PKN2: variants seen among roughly 807,000 people sequenced by gnomAD.
The protein encoded by PKN2 is serine/threonine-protein kinase N2.
Under a neutral mutation model 119.1 loss-of-function variants are expected in PKN2, and 38 were observed. The observed-to-expected ratio is 0.32, with a 90% CI of 0.25 to 0.42. The LOEUF (loss-of-function observed/expected upper bound fraction) is 0.42, where lower values mean the gene tolerates loss of function less well. Among genes scored for constraint, PKN2 ranks in the 10% least tolerant of loss-of-function variants. The pLI is 1.00. For synonymous variants in PKN2, 390 were observed against 384.9 expected (o/e 1.01, Z -0.15); for missense variants, 850 against 1,165.1 (o/e 0.73, Z 3.94).
chr1:88,720,413 T>G (rs1667627120), intron 1 of PKN2, among the ~76,000 whole-genome samples: 1 of 152,172 alleles, frequency 6.6e-6, no homozygotes, highest in Non-Finnish European at 1.5e-5. Context: ...CTGCCTCTAT[T>G]GGAGTCACTT....
intron 3 of PKN2, among the ~76,000 whole-genome samples, chr1:88,764,378 T>C (rs1410955535): frequency 6.6e-6 from 1 of 152,216 alleles, no homozygotes; most frequent in Non-Finnish European, 1.5e-5. Flanking sequence ...CCTCTGTCTC[T>C]TCTTAACCCT....
In PKN2 at chr1:88,784,794, C is replaced by A. The variant is rs1277918039; in HGVS notation, c.1141C>A (p.Arg381=). The A allele has an allele frequency of 6.2e-7, 1 of 1,609,804 alleles. No individual in the cohort carries two copies. The highest frequency in any genetic ancestry group is 1.7e-5 in the Admixed American group (1 of 59,390). The change falls in exon 7 of 22, where the codon CGA becomes AGA. Residue 381 remains arginine, a synonymous_variant. Coordinates refer to ENST00000370521, the MANE Select transcript of PKN2 (RefSeq NM_006256.4). ...GAGTAAAAGTAAAAGCGGAAGTAGT[C>A]GAAATCTTCTAAAAACCGATGACTT... ...RTSKSKSGSS[R]NLLKTDDLSN...
intron 6 of PKN2, among the ~76,000 whole-genome samples, chr1:88,782,763 A>T (rs1670398856): frequency 6.6e-6 from 1 of 152,116 alleles, no homozygotes; most frequent in East Asian, 1.9e-4. Flanking sequence ...CCTAACATTT[A>T]TGTCAGTTAA....
At chr1:88,706,118 A>G (rs922730450) in intron 1 of PKN2, among the ~76,000 whole-genome samples, 1 of 152,194 alleles carries the variant, frequency 6.6e-6, no homozygotes, top group African/African-American at 2.4e-5. Context: ...CTGTTCTATG[A>G]TAAACAAAGT....
chr1:88,826,205 A>G (rs1033652823), intron 18 of PKN2, among the ~76,000 whole-genome samples: 1 of 152,188 alleles, frequency 6.6e-6, no homozygotes, highest in African/African-American at 2.4e-5. Context: ...TGTTCCCGCT[A>G]CTTGACACAG....
In PKN2 at chr1:88,790,168, CTTTG is replaced by C. The variant is rs1293673995; in HGVS notation, c.1281+3959_1281+3962del. 4.6e-5 allele frequency among the ~76,000 whole-genome samples: 7 copies of C among 152,268 alleles called. No individual in the cohort carries two copies. In the East Asian group the frequency reaches 1.4e-3, roughly 29 times the overall value. ...CTGCTACACAGCTTTCATCTTGAGACTTTGTTTTACTATCATCTTGAGAACTCTC... is the reference window on the plus strand; with the variant it reads ...CTGCTACACAGCTTTCATCTTGAGACTTTTACTATCATCTTGAGAACTCTC... On this transcript the variant is annotated intron_variant, in intron 8 of 21. Coordinates refer to ENST00000370521, the MANE Select transcript of PKN2 (RefSeq NM_006256.4).
At position 88,684,374 on chromosome 1, in the gene PKN2, G is replaced by C; in HGVS notation, c.-207G>C. The C allele has an allele frequency of 2.0e-6, 1 of 495,312 alleles. No individual in the cohort carries two copies. The highest frequency in any genetic ancestry group is 3.6e-6 in the Non-Finnish European group (1 of 280,272). 30.7% of individuals were successfully genotyped at this position (495,312 alleles called of 1,614,324 possible). Reference sequence around the variant, plus strand: ...CGGTGAGGGCGGCGAGAGGAAGCCCGCTACGAGTGCCCTAGCTCCCCGCCG... The same window carrying C: ...CGGTGAGGGCGGCGAGAGGAAGCCCCCTACGAGTGCCCTAGCTCCCCGCCG... On this transcript the variant is annotated 5_prime_UTR_variant, in exon 1 of 22. Coordinates refer to ENST00000370521, the MANE Select transcript of PKN2 (RefSeq NM_006256.4).
chr1:88,751,379 C>G (rs1043580511), intron 2 of PKN2, among the ~76,000 whole-genome samples: 1 of 125,500 alleles, frequency 8.0e-6, no homozygotes, highest in South Asian at 2.3e-4. Flanking sequence ...TTTACACATA[C>G]ACACACACAC....
intron 1 of PKN2, among the ~76,000 whole-genome samples, chr1:88,688,552 CATTCCA>C (rs1459043046): frequency 2.0e-5 from 3 of 152,214 alleles, no homozygotes; most frequent in Non-Finnish European, 4.4e-5. Context: ...ATGATTTCTA[CATTCCA>C]CTTGGTAGTC....
chr1:88,803,081 T>A (rs1221270739), intron 8 of PKN2, among the ~76,000 whole-genome samples: 1 of 152,210 alleles, frequency 6.6e-6, no homozygotes, highest in Non-Finnish European at 1.5e-5. Context: ...TAGTCTTAAT[T>A]ATATTCTCCT....
In PKN2 at chr1:88,824,383, G is replaced by C; in HGVS notation, c.2416G>C (p.Glu806Gln). 1 of 1,542,900 alleles carries C rather than the reference G, an allele frequency of 6.5e-7. No homozygotes were observed. The highest frequency in any genetic ancestry group is 9.0e-7 in the Non-Finnish European group (1 of 1,116,032). The change falls in exon 18 of 22, where the codon GAA (glutamate) becomes CAA (glutamine). Residue 806 changes from glutamate (E) to glutamine (Q), a missense_variant. By Grantham distance (29) the Glu-to-Gln change is conservative. This residue lies in a region of PKN2 where 55 missense variants were observed against 85.9 expected (regional missense o/e 0.64). Coordinates refer to ENST00000370521, the MANE Select transcript of PKN2 (RefSeq NM_006256.4). ...AATTGCTGATTTTGGTCTTTGCAAA[G>C]AAGGTAATCGAATGTTTTTAAGTTT... Reference protein sequence around the residue: ...VKIADFGLCKEGMGYGDRTST... With the variant: ...VKIADFGLCKQGMGYGDRTST...
chr1:88,804,714 T>C (rs1220261942), intron 9 of PKN2, 132 bp from the exon 10 acceptor site: 4 of 751,008 alleles, frequency 5.3e-6, no homozygotes, highest in Non-Finnish European at 8.7e-6. Context: ...CCTATGTCTG[T>C]TTTCTCATGT....
intron 19 of PKN2, among the ~76,000 whole-genome samples, chr1:88,830,463 T>A (rs1406937221): frequency 6.6e-6 from 1 of 152,158 alleles, no homozygotes; most frequent in Non-Finnish European, 1.5e-5. Context: ...CTTCCTTTAT[T>A]TTAACAGTAA....
rs58105261 is a variant in PKN2, at chr1:88,788,573, G to A, written c.1281+2360G>A. On this transcript the variant is annotated intron_variant, in intron 8 of 21. Transcript: ENST00000370521. ...TGATTCTCCTGCCTTAGCCTCCTAA[G>A]TAGCTGGGATTACAGGCATGTACCA... Among the ~76,000 whole-genome samples the A allele has an allele frequency of 6.2e-3, 944 of 152,092 alleles. 12 individuals carry two copies. In the South Asian group the frequency reaches 0.067, roughly 11 times the overall value.
chr1:88,824,472 A>G (rs1672419202), intron 18 of PKN2, 86 bp downstream of exon 18: 2 of 765,514 alleles, frequency 2.6e-6, no homozygotes, highest in Non-Finnish European at 4.6e-6. Flanking sequence ...TCTATGGAAA[A>G]CAAACTGTAC....
intron 1 of PKN2, among the ~76,000 whole-genome samples, chr1:88,704,862 T>C (rs1264105878): frequency 6.6e-6 from 1 of 152,066 alleles, no homozygotes; most frequent in Admixed American, 6.6e-5. Context: ...TAATTTTAGC[T>C]ATTCTAGTAG....
chr1:88,743,063 G>A (rs1455011134), intron 2 of PKN2, among the ~76,000 whole-genome samples: 1 of 152,042 alleles, frequency 6.6e-6, no homozygotes, highest in Admixed American at 6.6e-5. Flanking sequence ...GGTGGCGTGT[G>A]CCTGTAGTTC....
intron 2 of PKN2, among the ~76,000 whole-genome samples, chr1:88,744,448 G>A (rs533491364): frequency 2.6e-5 from 4 of 152,220 alleles, no homozygotes; most frequent in African/African-American, 7.2e-5. Context: ...TTGAGACTGC[G>A]TCTCCCTCTG....
intron 1 of PKN2, among the ~76,000 whole-genome samples, chr1:88,701,047 A>T (rs1270044511): frequency 6.6e-6 from 1 of 152,206 alleles, no homozygotes; most frequent in African/African-American, 2.4e-5. Context: ...TTACCGGCAG[A>T]AGGAGCTGTC....
Sources: gnomAD v4.1 joint callset for allele counts (sites outside exome capture counted in the v4.1 genomes callset) on GRCh38, gnomAD v4.1.1 for gene constraint, gnomAD v4.1.1 regional missense constraint, MANE v1.5 for transcripts, NCBI Gene and HGNC (gene_info 2026-07-23, HGNC 2026-07-21) for gene names.